Variants in COPS7A observed in about 807,000 individuals in gnomAD.
The protein encoded by COPS7A is COP9 signalosome complex subunit 7a.
COPS7A carries 20 observed loss-of-function variants against 35.2 expected under a neutral mutation model. That is an observed-to-expected ratio of 0.57 (90% confidence interval 0.40 to 0.83). COPS7A has a LOEUF of 0.83. COPS7A is among the 40% of genes least tolerant of loss of function. The pLI, the probability that COPS7A is intolerant of heterozygous loss-of-function variation, is 0.00. For synonymous variants in COPS7A, 139 were observed against 141.4 expected, an observed-to-expected ratio of 0.98 and a Z score of 0.12; for missense variants, 247 against 347.5, an observed-to-expected ratio of 0.71 and a Z score of 2.30.
intron 2 of COPS7A, 114 bp downstream of exon 2, chr12:6,724,932 CAG>C: frequency 8.6e-7 from 1 of 1,161,146 alleles, no homozygotes; most frequent in Non-Finnish European, 1.2e-6. Context: ...AACAAGAAAA[CAG>C]TGATAATTAA....
chr12:6,726,965 G>A (rs1396019315), intron 2 of COPS7A, among the ~76,000 whole-genome samples: 2 of 152,182 alleles, frequency 1.3e-5, no homozygotes, highest in African/African-American at 2.4e-5. Flanking sequence ...TAGCTCTGTG[G>A]GATACCTGAG....
At chr12:6,726,573 A>G (rs1941258977) in intron 2 of COPS7A, among the ~76,000 whole-genome samples, 1 of 151,108 alleles carries the variant, frequency 6.6e-6, no homozygotes, top group African/African-American at 2.4e-5. Flanking sequence ...ACTGCATTCC[A>G]GCCTGGGCAA....
At chr12:6,727,688 G>T (rs770515254) in intron 2 of COPS7A, 2 of 647,894 alleles carry the variant, frequency 3.1e-6, no homozygotes, top group African/African-American at 1.8e-5. Flanking sequence ...ATTGGATGAC[G>T]TATGGAGCAA....
chr12:6,724,577 T>C (rs1941201373), intron 1 of COPS7A, 37 bp from the exon 2 acceptor site: 5 of 1,570,542 alleles, frequency 3.2e-6, no homozygotes, highest in Middle Eastern at 1.7e-4. Flanking sequence ...CGACCAGCCA[T>C]CGGGGACCTC....
At chr12:6,725,521 TG>T in intron 2 of COPS7A, 1 of 436,032 alleles carries the variant, frequency 2.3e-6, no homozygotes, top group South Asian at 1.6e-5. Flanking sequence ...AGTGAGATTA[TG>T]GGAAAGTGTG....
In COPS7A at chr12:6,730,872, C is replaced by A. The variant is rs1452150893; in HGVS notation, c.788+52C>A. ...ACTTGCAGGGTGCCCTGCTTTTACC[C>A]CAGGGACCTCACTGTCCTCATTTCC... On this transcript the variant is annotated intron_variant, in intron 7 of 7. Coordinates refer to ENST00000543155, the MANE Select transcript of COPS7A (RefSeq NM_001164094.2). The A allele has an allele frequency of 1.9e-6, 3 of 1,606,092 alleles. No individual in the cohort carries two copies. In the African/African-American group the frequency reaches 4.0e-5, roughly 22 times the overall value.
rs199797592 is a variant in COPS7A, at chr12:6,729,213, G to T, written c.328-34G>T. On this transcript the variant is annotated intron_variant, in intron 4 of 7. Transcript: ENST00000543155. The surrounding 1 kb of genome is among the most constrained non-coding windows in gnomAD (Gnocchi z 4.2). ...TGGAAGCCCTTCTCTACTACGGAGC[G>T]TCACAAATCCTGGCCTGATCTCCGC... The T allele has an allele frequency of 4.3e-6, 7 of 1,611,296 alleles. No individual in the cohort carries two copies. The highest frequency in any genetic ancestry group is 5.9e-6 in the Non-Finnish European group (7 of 1,177,716).
chr12:6,728,011 G>A lies in COPS7A; in HGVS notation c.238+10G>A, dbSNP rs1292686831. 2 of 1,613,814 alleles carry A rather than the reference G, an allele frequency of 1.2e-6. No individual in the cohort carries two copies. Among genetic ancestry groups the A allele is most frequent in the African/African-American group, 2.7e-5 (2 of 74,920 alleles). On this transcript the variant is annotated intron_variant, in intron 3 of 7. Transcript: ENST00000543155. ...TACGCTGACTACTTAGGTAACCAGA[G>A]GGGTTGGTGCTCTGGAGTAATGGAG...
intron 4 of COPS7A, among the ~76,000 whole-genome samples, chr12:6,728,590 C>T (rs372061442): frequency 6.6e-6 from 1 of 152,156 alleles, no homozygotes; most frequent in Non-Finnish European, 1.5e-5. Context: ...TCAACAATAC[C>T]TTCTTCCCCA....
intron 2 of COPS7A, chr12:6,726,008 C>A: frequency 2.4e-6 from 1 of 425,418 alleles, no homozygotes. Flanking sequence ...TGGCAGAATC[C>A]TGTCTCTGTT....
At chr12:6,724,579 G>T (rs1206361322) in intron 1 of COPS7A, 35 bp from the exon 2 acceptor site, 1 of 1,576,448 alleles carries the variant, frequency 6.3e-7, no homozygotes, top group Admixed American at 1.7e-5. Context: ...ACCAGCCATC[G>T]GGGACCTCTA....
Position 6,730,668 on chromosome 12 carries a change from G to A in COPS7A, c.637-1G>A. The A allele has an allele frequency of 6.2e-7, 1 of 1,614,094 alleles. No individual in the cohort carries two copies. The highest frequency in any genetic ancestry group is 8.5e-7 in the Non-Finnish European group (1 of 1,180,004). On this transcript the variant is annotated splice_acceptor_variant, in intron 6 of 7. Transcript: ENST00000543155. LOFTEE classifies it high-confidence loss of function. ...TATCCCCATTCCTTTCATCCTGGTAGGTTGCCAACCTTAAAAAAACCATTA... is the reference window on the plus strand; with the variant it reads ...TATCCCCATTCCTTTCATCCTGGTAAGTTGCCAACCTTAAAAAAACCATTA...
intron 2 of COPS7A, 105 bp from the exon 3 acceptor site, chr12:6,727,821 T>C (rs1343371209): frequency 3.0e-6 from 3 of 1,011,410 alleles, no homozygotes; most frequent in African/African-American, 1.6e-5. Context: ...AGAGTTAACA[T>C]TGGCCGGGAA....
chr12:6,724,941 T>C, intron 2 of COPS7A, 123 bp downstream of exon 2: 1 of 1,059,686 alleles, frequency 9.4e-7, no homozygotes, highest in Non-Finnish European at 1.4e-6. Flanking sequence ...ACAGTGATAA[T>C]TAAATGCCAA....
At position 6,731,197 on chromosome 12, in the gene COPS7A, G is replaced by C. The variant is rs775615685; in HGVS notation, c.*158G>C. 1.3e-6 allele frequency: 2 copies of C among 1,523,854 alleles called. No individual in the cohort carries two copies. Among genetic ancestry groups the C allele is most frequent in the African/African-American group, 2.8e-5 (2 of 71,976 alleles). 94.4% of individuals were successfully genotyped at this position (1,523,854 alleles called of 1,614,324 possible). A position where few individuals can be genotyped will look rare whatever the true frequency, so the allele number is the denominator to read the frequency against. Reference sequence around the variant, plus strand: ...CCAAACATAGATCACACCTTCTCTAGGGAGGAGGCAAATGTAGGTCATGTT... The same window carrying C: ...CCAAACATAGATCACACCTTCTCTACGGAGGAGGCAAATGTAGGTCATGTT... On this transcript the variant is annotated 3_prime_UTR_variant, in exon 8 of 8. Transcript: ENST00000543155.
Position 6,731,272 on chromosome 12 carries a change from CG to C in COPS7A, c.*234del. The C allele has an allele frequency of 6.9e-7, 1 of 1,441,760 alleles. No homozygotes were observed. Among genetic ancestry groups the C allele is most frequent in the Non-Finnish European group, 9.1e-7 (1 of 1,100,056 alleles). 89.3% of individuals were successfully genotyped at this position (1,441,760 alleles called of 1,614,324 possible). ...TGACTTCATGTGTTCCATTGCTCCC[CG>C]CTGCCATGCTCTCTCCCTTGTTTCC... On this transcript the variant is annotated 3_prime_UTR_variant, in exon 8 of 8. Coordinates refer to ENST00000543155, the MANE Select transcript of COPS7A (RefSeq NM_001164094.2).
chr12:6,727,406 T>C (rs1449770113), intron 2 of COPS7A, among the ~76,000 whole-genome samples: 2 of 150,314 alleles, frequency 1.3e-5, no homozygotes, highest in Non-Finnish European at 2.9e-5. Context: ...CTGGGTGGAC[T>C]GGGCTGGGTG....
At chr12:6,724,487 A>G (rs1230836688) in intron 1 of COPS7A, 127 bp from the exon 2 acceptor site, 17 of 793,680 alleles carry the variant, frequency 2.1e-5, no homozygotes, top group Non-Finnish European at 2.8e-5. Context: ...AGAATTTTAG[A>G]CCGCTCCATG....
chr12:6,727,987 A>G lies in COPS7A; in HGVS notation c.224A>G (p.Tyr75Cys). ...CTCACAGTGTTTGCTTATGGGACAT[A>G]CGCTGACTACTTAGGTAACCAGAGG... is the stretch of plus-strand genomic sequence containing the variant. ...RLLTVFAYGT[Y>C]ADYLAEARNL... The change falls in exon 3 of 8, where the codon TAC (tyrosine) becomes TGC (cysteine). Residue 75 changes from tyrosine (Y) to cysteine (C), a missense_variant. Tyr to Cys is a radical substitution (Grantham distance 194, BLOSUM62 -2). Coordinates refer to ENST00000543155, the MANE Select transcript of COPS7A (RefSeq NM_001164094.2). 1.2e-6 allele frequency: 2 copies of G among 1,614,134 alleles called. No individual in the cohort carries two copies. The highest frequency in any genetic ancestry group is 1.7e-6 in the Non-Finnish European group (2 of 1,180,012).
Sources: gnomAD v4.1 joint callset for allele counts (sites outside exome capture counted in the v4.1 genomes callset) on GRCh38, gnomAD v4.1.1 for gene constraint, Gnocchi (gnomAD v3.1) non-coding constraint, MANE v1.5 for transcripts, NCBI Gene and HGNC (gene_info 2026-07-23, HGNC 2026-07-21) for gene names.